Variants in SDK1 observed in about 807,000 individuals in gnomAD.
SDK1 encodes the protein sidekick cell adhesion molecule 1.
Under a neutral mutation model 245.5 loss-of-function variants are expected in SDK1, and 157 were observed. The ratio of observed to expected loss-of-function variants is 0.64; its 90% CI spans 0.56 to 0.73. The LOEUF (loss-of-function observed/expected upper bound fraction) is 0.73, where lower values mean the gene tolerates loss of function less well. SDK1 is among the 30% of genes least tolerant of loss of function. The pLI, the probability that SDK1 is intolerant of heterozygous loss-of-function variation, is 0.00. For missense variants in SDK1, 3,583 were observed against 3,002.3 expected (o/e 1.19, Z -4.52); for synonymous variants, 1,647 against 1,278.5 (o/e 1.29, Z -6.15).
At chr7:3,696,651 T>C (rs1168298972) in intron 4 of SDK1, among the ~76,000 whole-genome samples, 2 of 152,160 alleles carry the variant, frequency 1.3e-5, no homozygotes. Context: ...TTGTATCTTA[T>C]GTAATTATTG....
At chr7:3,875,575 C>T (rs985838150) in intron 5 of SDK1, among the ~76,000 whole-genome samples, 4 of 152,180 alleles carry the variant, frequency 2.6e-5, no homozygotes, top group African/African-American at 7.2e-5. Context: ...CCTCTTTATC[C>T]CCACTTCAGC....
intron 1 of SDK1, among the ~76,000 whole-genome samples, chr7:3,309,328 A>G (rs1359637481): frequency 3.9e-5 from 6 of 152,028 alleles, no homozygotes; most frequent in African/African-American, 1.4e-4. Context: ...GGCAACAGAA[A>G]AAGTGTTCAT....
chr7:4,060,217 C>T (rs1408891535), intron 19 of SDK1, among the ~76,000 whole-genome samples: 1 of 152,158 alleles, frequency 6.6e-6, no homozygotes, highest in Non-Finnish European at 1.5e-5. Context: ...TGAAATACGA[C>T]ATACAGAAAC....
At chr7:3,481,201 C>G (rs1248442409) in intron 1 of SDK1, among the ~76,000 whole-genome samples, 3 of 152,058 alleles carry the variant, frequency 2.0e-5, no homozygotes, top group African/African-American at 4.8e-5. Context: ...GGGCAATAAT[C>G]CTTTACAGTA....
chr7:3,873,584 T>G (rs1781007678), intron 5 of SDK1, among the ~76,000 whole-genome samples: 1 of 152,186 alleles, frequency 6.6e-6, no homozygotes, highest in Non-Finnish European at 1.5e-5. Context: ...TATGTATATG[T>G]TAGGCTGTTT....
chr7:4,042,616 A>ACCCCCG (rs1788714143), intron 17 of SDK1, among the ~76,000 whole-genome samples: 1 of 91,988 alleles, frequency 1.1e-5, no homozygotes, highest in Non-Finnish European at 2.0e-5. Context: ...CAAGGGTCTA[A>ACCCCCG]TGCTAATCAT....
chr7:3,896,867 ATAAC>A, intron 5 of SDK1, among the ~76,000 whole-genome samples: 1 of 152,346 alleles, frequency 6.6e-6, no homozygotes, highest in South Asian at 2.1e-4. Context: ...ACTGCTATAA[ATAAC>A]TACCTGAGAC....
chr7:3,849,829 T>C (rs1780374729), intron 5 of SDK1, among the ~76,000 whole-genome samples: 1 of 152,254 alleles, frequency 6.6e-6, no homozygotes, highest in African/African-American at 2.4e-5. Flanking sequence ...TTAAAAAAGC[T>C]GTTCCAAAGC....
At chr7:3,598,337 T>C (rs1267655045) in intron 1 of SDK1, among the ~76,000 whole-genome samples, 2 of 152,252 alleles carry the variant, frequency 1.3e-5, no homozygotes, top group Non-Finnish European at 2.9e-5. Context: ...TATTTTCTCT[T>C]ACTCTGTGGC....
At chr7:3,525,624 CT>C (rs1333201730) in intron 1 of SDK1, among the ~76,000 whole-genome samples, 1 of 151,702 alleles carries the variant, frequency 6.6e-6, no homozygotes, top group Non-Finnish European at 1.5e-5. Context: ...CCTGTCAGGT[CT>C]TTTTTTTCTC....
chr7:3,315,071 C>G (rs966594298), intron 1 of SDK1, among the ~76,000 whole-genome samples: 1 of 152,118 alleles, frequency 6.6e-6, no homozygotes, highest in African/African-American at 2.4e-5. Context: ...GTGACCTTCA[C>G]AAATGATGAG....
chr7:4,006,444 C>A (rs1046098435), intron 14 of SDK1, among the ~76,000 whole-genome samples: 5 of 152,210 alleles, frequency 3.3e-5, no homozygotes, highest in Non-Finnish European at 4.4e-5. Context: ...AGACAAGCAT[C>A]CTGTGGCCCT....
chr7:4,107,785 G>A (rs1783040884), intron 22 of SDK1, among the ~76,000 whole-genome samples: 1 of 152,188 alleles, frequency 6.6e-6, no homozygotes, highest in Admixed American at 6.5e-5. Context: ...GCCTCCCACG[G>A]AAGCCTGAGC....
chr7:3,780,410 G>C (rs1174767096), intron 4 of SDK1, among the ~76,000 whole-genome samples: 3 of 152,230 alleles, frequency 2.0e-5, no homozygotes, highest in Admixed American at 2.0e-4. Context: ...AGGAGGCAGA[G>C]GTCATGGTTA....
At chr7:3,791,125 G>A (rs1233864260) in intron 4 of SDK1, among the ~76,000 whole-genome samples, 2 of 151,784 alleles carry the variant, frequency 1.3e-5, no homozygotes, top group East Asian at 1.9e-4. Flanking sequence ...ACAGTGACTG[G>A]TATGTAGTAA....
intron 1 of SDK1, among the ~76,000 whole-genome samples, chr7:3,559,133 G>C (rs1779673618): frequency 6.6e-6 from 1 of 152,138 alleles, no homozygotes; most frequent in Non-Finnish European, 1.5e-5. Flanking sequence ...GTGTAAGTCA[G>C]ATGCTGAACT....
intron 5 of SDK1, among the ~76,000 whole-genome samples, chr7:3,855,858 A>C (rs951605895): frequency 5.9e-5 from 9 of 152,222 alleles, no homozygotes; most frequent in African/African-American, 2.2e-4. Flanking sequence ...TCAAGGGTCA[A>C]AATGAAGTGA....
At chr7:3,476,493 T>G (rs1781351359) in intron 1 of SDK1, among the ~76,000 whole-genome samples, 1 of 152,222 alleles carries the variant, frequency 6.6e-6, no homozygotes, top group Non-Finnish European at 1.5e-5. Context: ...TGCCGAATGA[T>G]ACAACTTAGT....
chr7:3,849,168 C>A (rs1780356642), intron 5 of SDK1, among the ~76,000 whole-genome samples: 1 of 152,230 alleles, frequency 6.6e-6, no homozygotes, highest in African/African-American at 2.4e-5. Context: ...CCCTCCTCTG[C>A]TGGACTGTTC....
Sources: gnomAD v4.1 joint callset for allele counts (sites outside exome capture counted in the v4.1 genomes callset) on GRCh38, gnomAD v4.1.1 for gene constraint, MANE v1.5 for transcripts, NCBI Gene and HGNC (gene_info 2026-07-23, HGNC 2026-07-21) for gene names.